TSC22D1: variants seen among roughly 807,000 people sequenced by gnomAD.
TSC22D1 encodes the protein TSC22 domain family protein 1.
TSC22D1 carries 9 observed loss-of-function variants against 74.2 expected under a neutral mutation model. The observed-to-expected ratio is 0.12, with a 90% confidence interval of 0.07 to 0.21. TSC22D1 has a LOEUF of 0.21. Among genes scored for constraint, TSC22D1 ranks in the 10% least tolerant of loss-of-function variants. The pLI is 1.00. For missense variants in TSC22D1, 1,427 were observed against 1,304.7 expected, an observed-to-expected ratio of 1.09 and a Z score of -1.44; for synonymous variants, 586 against 492.5, an observed-to-expected ratio of 1.19 and a Z score of -2.51.
intron 1 of TSC22D1, among the ~76,000 whole-genome samples, chr13:44,532,872 TG>T: frequency 6.6e-6 from 1 of 152,050 alleles, no homozygotes; most frequent in South Asian, 2.1e-4. Flanking sequence ...TTGGAATTGA[TG>T]GGAAATTAAT....
intron 1 of TSC22D1, among the ~76,000 whole-genome samples, chr13:44,449,940 A>G (rs1241069182): frequency 1.3e-5 from 2 of 152,212 alleles, no homozygotes; most frequent in Non-Finnish European, 2.9e-5. Context: ...GCTTGGCACC[A>G]CAGTTATCAA....
At chr13:44,450,911 G>A (rs527832877) in intron 1 of TSC22D1, among the ~76,000 whole-genome samples, 13 of 152,318 alleles carry the variant, frequency 8.5e-5, no homozygotes, top group Non-Finnish European at 1.8e-4. Flanking sequence ...CACACACACT[G>A]GGGCAGCCGT....
intron 1 of TSC22D1, among the ~76,000 whole-genome samples, chr13:44,557,976 A>T (rs967152775): frequency 6.6e-5 from 10 of 152,214 alleles, no homozygotes; most frequent in African/African-American, 2.4e-4. Context: ...TGGGGTAGAA[A>T]CTATACTTTT....
intron 1 of TSC22D1, chr13:44,436,991 A>G: frequency 1.1e-6 from 1 of 897,544 alleles, no homozygotes; most frequent in Non-Finnish European, 1.3e-6. Flanking sequence ...CCCCACCCCC[A>G]CCTCCGCCCC....
chr13:44,484,396 C>T (rs191366825), intron 1 of TSC22D1, among the ~76,000 whole-genome samples: 1 of 152,294 alleles, frequency 6.6e-6, no homozygotes, highest in Admixed American at 6.5e-5. Context: ...AGTCCTTCCT[C>T]CCTTCCCATA....
At chr13:44,504,464 C>T (rs745802258) in intron 1 of TSC22D1, among the ~76,000 whole-genome samples, 3 of 151,886 alleles carry the variant, frequency 2.0e-5, no homozygotes, top group Admixed American at 6.6e-5. Flanking sequence ...ATTAGGTGGA[C>T]GTGGTGGCTT....
intron 1 of TSC22D1, among the ~76,000 whole-genome samples, chr13:44,492,390 C>T (rs565407733): frequency 6.6e-5 from 10 of 152,102 alleles, no homozygotes; most frequent in African/African-American, 1.2e-4. Context: ...ATGTGTATCG[C>T]TTTTGCACCA....
chr13:44,457,218 A>G (rs996540138), intron 1 of TSC22D1, among the ~76,000 whole-genome samples: 3 of 152,246 alleles, frequency 2.0e-5, no homozygotes, highest in South Asian at 4.1e-4. Flanking sequence ...CAAACAGCAC[A>G]TATCTCAAAC....
At chr13:44,520,735 T>G (rs1880274927) in intron 1 of TSC22D1, among the ~76,000 whole-genome samples, 1 of 152,180 alleles carries the variant, frequency 6.6e-6, no homozygotes, top group Non-Finnish European at 1.5e-5. Context: ...GGTATCAGAA[T>G]GAAGGATATC....
chr13:44,543,389 T>C (rs1177223898), intron 1 of TSC22D1, among the ~76,000 whole-genome samples: 1 of 152,244 alleles, frequency 6.6e-6, no homozygotes, highest in African/African-American at 2.4e-5. Flanking sequence ...AACTGACTGA[T>C]CTAAAGTTGA....
intron 1 of TSC22D1, among the ~76,000 whole-genome samples, chr13:44,444,099 T>C (rs1272268557): frequency 6.6e-6 from 1 of 150,776 alleles, no homozygotes; most frequent in Non-Finnish European, 1.5e-5. Context: ...GCCAATATGG[T>C]AAAAACCCAT....
chr13:44,471,634 A>G (rs1401156038), intron 1 of TSC22D1, among the ~76,000 whole-genome samples: 1 of 152,246 alleles, frequency 6.6e-6, no homozygotes, highest in Admixed American at 6.5e-5. Context: ...GTATAAGAGA[A>G]TAGTTCTAAA....
intron 1 of TSC22D1, among the ~76,000 whole-genome samples, chr13:44,468,466 G>A (rs752901734): frequency 6.7e-6 from 1 of 149,238 alleles, no homozygotes. Context: ...ATCTTATTTC[G>A]TTCCTGTAAC....
rs1233701453 is a variant in TSC22D1 at position 44,506,833 on chromosome 13, T to C, written c.2912+66330A>G. Among the ~76,000 whole-genome samples the C allele has an allele frequency of 2.6e-5, 4 of 152,160 alleles. No individual in the cohort carries two copies. In the East Asian group the frequency reaches 7.7e-4, roughly 29 times the overall value. On this transcript the variant is annotated intron_variant, in intron 1 of 2. Transcript: ENST00000458659. Reference sequence around the variant, plus strand: ...CATACAGCCTGGACTACAGTGGTGATAATGGGGATAGAGAGGAGAAGAACA... The same window carrying C: ...CATACAGCCTGGACTACAGTGGTGACAATGGGGATAGAGAGGAGAAGAACA...
At chr13:44,459,623 G>T (rs1368135474) in intron 1 of TSC22D1, among the ~76,000 whole-genome samples, 1 of 152,218 alleles carries the variant, frequency 6.6e-6, no homozygotes, top group Non-Finnish European at 1.5e-5. Flanking sequence ...AAGAGCTGCA[G>T]CCCTTCAGGA....
At chr13:44,464,774 C>T (rs899363232) in intron 1 of TSC22D1, among the ~76,000 whole-genome samples, 1 of 152,196 alleles carries the variant, frequency 6.6e-6, no homozygotes, top group Non-Finnish European at 1.5e-5. Context: ...ACCAGGAGCC[C>T]CTACCAGCTT....
At chr13:44,576,462 C>T (rs111945998), upstream of TSC22D1, 7,832 of 173,604 alleles carry the variant, frequency 0.045, 205 homozygotes, top group East Asian at 0.091. Context: ...GAAGCCGCCT[C>T]AGCCCCCTCC....
chr13:44,439,137 A>G (rs919450787), intron 1 of TSC22D1, among the ~76,000 whole-genome samples: 3 of 152,216 alleles, frequency 2.0e-5, no homozygotes, highest in African/African-American at 7.2e-5. Context: ...AATATAAGCA[A>G]CCATAGTCTA....
At chr13:44,436,804 G>A in intron 1 of TSC22D1, 1 of 1,401,236 alleles carries the variant, frequency 7.1e-7, no homozygotes, top group Non-Finnish European at 9.2e-7. Flanking sequence ...GCGGATCCCA[G>A]TGCCGTGAAG....
Sources: allele counts gnomAD v4.1 joint callset (sites outside exome capture counted in the v4.1 genomes callset), GRCh38; gene constraint gnomAD v4.1.1; transcripts MANE v1.5; gene names NCBI Gene and HGNC (gene_info 2026-07-23, HGNC 2026-07-21).